Variants in SUMF1 observed in about 807,000 individuals in gnomAD.
The protein encoded by SUMF1 is formylglycine-generating enzyme.
In SUMF1, 48 loss-of-function variants were observed where a neutral mutation model predicts 47.6. The observed-to-expected ratio is 1.01, with a 90% confidence interval of 0.80 to 1.28. The LOEUF (loss-of-function observed/expected upper bound fraction) is 1.28. SUMF1 is among the 50% of genes most tolerant of loss of function. The probability of loss-of-function intolerance (pLI) is 0.00; values close to 1 mark genes in which losing one functional copy is unlikely to be tolerated. For synonymous variants in SUMF1, 230 were observed against 192.1 expected (o/e 1.20, Z -1.63); for missense variants, 571 against 485.4 (o/e 1.18, Z -1.66).
chr3:4,294,298 C>T (rs1019705892), intron 8 of SUMF1, among the ~76,000 whole-genome samples: 4 of 152,238 alleles, frequency 2.6e-5, no homozygotes, highest in South Asian at 2.1e-4. Flanking sequence ...CACGTGGCCA[C>T]GTCCATTCAT....
chr3:4,399,827 G>A (rs947315152), intron 7 of SUMF1, among the ~76,000 whole-genome samples: 4 of 152,006 alleles, frequency 2.6e-5, no homozygotes, highest in African/African-American at 7.3e-5. Context: ...GCGCGATCTC[G>A]GCTCACTGTA....
chr3:4,103,336 A>G (rs914797113), intron 8 of SUMF1, among the ~76,000 whole-genome samples: 6 of 152,108 alleles, frequency 3.9e-5, no homozygotes, highest in African/African-American at 1.4e-4. Flanking sequence ...GGAGGTCCAT[A>G]TTAGATGAAT....
At chr3:4,352,208 G>T (rs1418316083) in intron 8 of SUMF1, among the ~76,000 whole-genome samples, 1 of 152,090 alleles carries the variant, frequency 6.6e-6, no homozygotes, top group Non-Finnish European at 1.5e-5. Context: ...CGTGAGTCCT[G>T]GTTCTGCCTC....
intron 7 of SUMF1, among the ~76,000 whole-genome samples, chr3:4,397,567 T>G (rs1701077794): frequency 6.6e-6 from 1 of 152,202 alleles, no homozygotes; most frequent in Admixed American, 6.5e-5. Flanking sequence ...CACTTAACCA[T>G]TATTTTCAGA....
chr3:4,442,404 CAA>C (rs1702629472), intron 3 of SUMF1, among the ~76,000 whole-genome samples: 1 of 134,234 alleles, frequency 7.4e-6, no homozygotes, highest in Admixed American at 8.1e-5. Flanking sequence ...TACAGGCGCC[CAA>C]CACCACGCCC....
At chr3:4,250,225 A>G (rs1399989834) in intron 8 of SUMF1, among the ~76,000 whole-genome samples, 1 of 146,896 alleles carries the variant, frequency 6.8e-6, no homozygotes, top group Admixed American at 6.8e-5. Flanking sequence ...AAGGAAAGAA[A>G]GAAAGGGAGA....
intron 8 of SUMF1, among the ~76,000 whole-genome samples, chr3:4,328,364 T>C (rs1030968551): frequency 6.6e-6 from 1 of 152,226 alleles, no homozygotes; most frequent in Non-Finnish European, 1.5e-5. Flanking sequence ...TCAGTTCTCA[T>C]GCTGCTAATA....
intron 8 of SUMF1, among the ~76,000 whole-genome samples, chr3:4,198,822 G>C (rs1386642503): frequency 6.6e-6 from 1 of 151,614 alleles, no homozygotes; most frequent in East Asian, 1.9e-4. Flanking sequence ...ATCTGCTCTG[G>C]GGAATAATCC....
In SUMF1 at chr3:4,085,912, C is replaced by CA. The variant is rs551418193; in HGVS notation, c.1015-17168dup. 1.3e-3 allele frequency among the ~76,000 whole-genome samples: 198 copies of CA among 150,306 alleles called. 1 individual carries two copies. Among genetic ancestry groups the CA allele is most frequent in the Admixed American group, 6.9e-3 (104 of 15,106 alleles). On this transcript the variant is annotated intron_variant and NMD_transcript_variant, in intron 8 of 12. Transcript: ENST00000448413. ...ATCATTCCTTTCCTCTTCTGCCTCT[C>CA]AAAAAAAAAGAACAAATACTCAAAC...
At chr3:4,304,954 C>T (rs556690984) in intron 8 of SUMF1, among the ~76,000 whole-genome samples, 2 of 146,614 alleles carry the variant, frequency 1.4e-5, no homozygotes, top group Admixed American at 6.9e-5. Flanking sequence ...GTTCAGAAGG[C>T]GGGGCAACTC....
chr3:4,041,327 C>T (rs1029511909), intron 9 of SUMF1, among the ~76,000 whole-genome samples: 1 of 152,204 alleles, frequency 6.6e-6, no homozygotes, highest in African/African-American at 2.4e-5. Context: ...CCTCCTCGGC[C>T]TCCCAAAGTG....
chr3:4,061,609 C>T (rs1695277682), intron 9 of SUMF1, among the ~76,000 whole-genome samples: 1 of 152,118 alleles, frequency 6.6e-6, no homozygotes, highest in South Asian at 2.1e-4. Flanking sequence ...CAGTGATTGG[C>T]TTTCTATGCA....
At chr3:4,253,021 TA>T (rs1324449689) in intron 8 of SUMF1, among the ~76,000 whole-genome samples, 1 of 152,224 alleles carries the variant, frequency 6.6e-6, no homozygotes, top group Non-Finnish European at 1.5e-5. Flanking sequence ...AATTACACTT[TA>T]TTATGTGTTT....
At chr3:4,406,735 G>C (rs1338655040) in intron 7 of SUMF1, among the ~76,000 whole-genome samples, 1 of 152,126 alleles carries the variant, frequency 6.6e-6, no homozygotes, top group African/African-American at 2.4e-5. Flanking sequence ...ATGCAATTGT[G>C]TCCCTCACAG....
At chr3:4,350,145 CAT>C (rs879878443) in intron 8 of SUMF1, among the ~76,000 whole-genome samples, 25,008 of 151,628 alleles carry the variant, frequency 0.16, 2,125 homozygotes, top group Middle Eastern at 0.22. Flanking sequence ...GGATTACAGG[CAT>C]GCACCACCAC....
intron 6 of SUMF1, among the ~76,000 whole-genome samples, chr3:4,413,717 T>C (rs1284970914): frequency 6.6e-6 from 1 of 151,860 alleles, no homozygotes; most frequent in South Asian, 2.1e-4. Context: ...GTGGTCAAAA[T>C]AGTTTGCTCA....
chr3:4,365,250 A>T (rs1699912271), intron 8 of SUMF1, among the ~76,000 whole-genome samples: 1 of 119,702 alleles, frequency 8.4e-6, no homozygotes, highest in African/African-American at 2.9e-5. Context: ...TGCAGAGCTG[A>T]GTTCAATTCC....
intron 8 of SUMF1, among the ~76,000 whole-genome samples, chr3:4,259,564 TTTTA>T (rs1315833196): frequency 5.3e-5 from 8 of 152,172 alleles, no homozygotes; most frequent in Non-Finnish European, 8.8e-5. Flanking sequence ...TTTATTTTTA[TTTTA>T]TTTGTTTTTT....
intron 8 of SUMF1, among the ~76,000 whole-genome samples, chr3:4,278,902 C>T (rs1393245953): frequency 1.3e-5 from 2 of 152,120 alleles, no homozygotes; most frequent in African/African-American, 4.8e-5. Context: ...ATGCCTTTTA[C>T]ATCAGACAAA....
Sources: allele counts gnomAD v4.1 joint callset (sites outside exome capture counted in the v4.1 genomes callset), GRCh38; gene constraint gnomAD v4.1.1; transcripts MANE v1.5; gene names NCBI Gene and HGNC (gene_info 2026-07-23, HGNC 2026-07-21).